Variants in PRKG1 observed in about 807,000 individuals in gnomAD.
PRKG1 encodes the protein protein kinase cGMP-dependent 1, also known as cGMP-dependent protein kinase 1.
Under a neutral mutation model 88.1 loss-of-function variants are expected in PRKG1, and 35 were observed. The observed-to-expected ratio is 0.40, with a 90% CI of 0.30 to 0.53. The LOEUF is 0.53. Among genes scored for constraint, PRKG1 ranks in the 20% least tolerant of loss-of-function variants. The pLI is 0.59. For synonymous variants in PRKG1, 303 were observed against 292.5 expected (o/e 1.04, Z -0.37); for missense variants, 540 against 839.8 (o/e 0.64, Z 4.41).
chr10:51,127,058 A>C (rs917395694), intron 1 of PRKG1, among the ~76,000 whole-genome samples: 1 of 152,224 alleles, frequency 6.6e-6, no homozygotes, highest in Non-Finnish European at 1.5e-5. Context: ...ATGGACAAAG[A>C]TTTCATGATG....
intron 3 of PRKG1, among the ~76,000 whole-genome samples, chr10:51,649,360 C>G (rs150135477): frequency 6.6e-6 from 1 of 152,000 alleles, no homozygotes. Flanking sequence ...TACAACCAGT[C>G]TTATTTAATT....
intron 5 of PRKG1, among the ~76,000 whole-genome samples, chr10:51,966,183 C>T (rs1193237864): frequency 1.3e-5 from 2 of 152,150 alleles, no homozygotes; most frequent in East Asian, 3.9e-4. Flanking sequence ...TTTCATATTT[C>T]ATAAGCTGAT....
chr10:52,040,723 A>G (rs1034913783), intron 5 of PRKG1, among the ~76,000 whole-genome samples: 2 of 152,094 alleles, frequency 1.3e-5, no homozygotes, highest in African/African-American at 4.8e-5. Flanking sequence ...ATTGAACAGA[A>G]GTGGTGAAAG....
intron 3 of PRKG1, among the ~76,000 whole-genome samples, chr10:51,658,916 A>G (rs1439023146): frequency 6.6e-6 from 1 of 152,088 alleles, no homozygotes; most frequent in African/African-American, 2.4e-5. Flanking sequence ...CTACTTTTGA[A>G]AAACATGTAT....
At chr10:51,450,080 G>A (rs1217433213) in intron 2 of PRKG1, among the ~76,000 whole-genome samples, 2 of 151,800 alleles carry the variant, frequency 1.3e-5, no homozygotes, top group East Asian at 3.9e-4. Flanking sequence ...CAATTCATTA[G>A]GAATAATATT....
At chr10:51,185,288 TAA>T (rs1167752059) in intron 2 of PRKG1, among the ~76,000 whole-genome samples, 1 of 152,148 alleles carries the variant, frequency 6.6e-6, no homozygotes, top group African/African-American at 2.4e-5. Flanking sequence ...TGGTGAATAT[TAA>T]GTCTGCAATA....
At chr10:52,253,025 G>C (rs1841215148) in intron 10 of PRKG1, among the ~76,000 whole-genome samples, 1 of 151,956 alleles carries the variant, frequency 6.6e-6, no homozygotes, top group Non-Finnish European at 1.5e-5. Context: ...GAGGTGTTGG[G>C]ACATACAGGC....
intron 9 of PRKG1, among the ~76,000 whole-genome samples, chr10:52,193,457 A>C (rs1589690026): frequency 6.7e-6 from 1 of 149,742 alleles, no homozygotes; most frequent in African/African-American, 2.5e-5. Context: ...CTGAGGCAGG[A>C]GAATCGCTTG....
intron 5 of PRKG1, among the ~76,000 whole-genome samples, chr10:51,924,579 G>C (rs1347813290): frequency 6.6e-6 from 1 of 151,938 alleles, no homozygotes; most frequent in Non-Finnish European, 1.5e-5. Flanking sequence ...TTTTGTGTCT[G>C]TCATTAATTT....
At chr10:51,932,281 A>G (rs1374735119) in intron 5 of PRKG1, among the ~76,000 whole-genome samples, 1 of 151,956 alleles carries the variant, frequency 6.6e-6, no homozygotes, top group Non-Finnish European at 1.5e-5. Context: ...TCCAGAAAAT[A>G]CCATACAGTC....
chr10:51,143,199 T>C (rs1201981454), intron 1 of PRKG1, among the ~76,000 whole-genome samples: 1 of 152,122 alleles, frequency 6.6e-6, no homozygotes, highest in East Asian at 1.9e-4. Flanking sequence ...GATCAACTTT[T>C]TAAGATTCCA....
At chr10:51,551,464 G>A (rs1427631220) in intron 3 of PRKG1, among the ~76,000 whole-genome samples, 2 of 151,716 alleles carry the variant, frequency 1.3e-5, no homozygotes, top group African/African-American at 4.8e-5. Context: ...ATAATTTTGA[G>A]AATTTGTTCA....
intron 9 of PRKG1, among the ~76,000 whole-genome samples, chr10:52,221,235 A>C (rs1840237358): frequency 6.6e-6 from 1 of 152,054 alleles, no homozygotes; most frequent in South Asian, 2.1e-4. Flanking sequence ...GCCCAGCTGA[A>C]TTACTCCCGA....
chr10:51,661,137 A>G (rs1047927647), intron 3 of PRKG1, among the ~76,000 whole-genome samples: 3 of 152,108 alleles, frequency 2.0e-5, no homozygotes, highest in Non-Finnish European at 4.4e-5. Flanking sequence ...CTAGGTATTC[A>G]ACTTTGTATT....
At chr10:52,204,073 GTTATTATTATTA>G (rs140296072) in intron 9 of PRKG1, among the ~76,000 whole-genome samples, 2 of 75,318 alleles carry the variant, frequency 2.7e-5, no homozygotes, top group Admixed American at 1.8e-4. Context: ...TTGTTCGCTG[GTTATTATTATTA>G]TTATTATTAT....
At chr10:51,460,579 T>C (rs879687009) in intron 2 of PRKG1, among the ~76,000 whole-genome samples, 1 of 152,144 alleles carries the variant, frequency 6.6e-6, no homozygotes, top group Non-Finnish European at 1.5e-5. Context: ...GCTTTCCTCA[T>C]TACTGGAAAT....
chr10:51,989,948 A>C (rs1012168780), intron 5 of PRKG1, among the ~76,000 whole-genome samples: 1 of 152,062 alleles, frequency 6.6e-6, no homozygotes, highest in African/African-American at 2.4e-5. Context: ...CAGGTTTTAC[A>C]TTTAAATCTT....
intron 3 of PRKG1, among the ~76,000 whole-genome samples, chr10:51,771,622 T>A (rs1173732268): frequency 6.6e-6 from 1 of 152,200 alleles, no homozygotes; most frequent in East Asian, 1.9e-4. Context: ...CCCCTACTGA[T>A]GTTTTATATA....
chr10:52,164,627 CTAAT>C (rs900235679), intron 9 of PRKG1, among the ~76,000 whole-genome samples: 120 of 151,948 alleles, frequency 7.9e-4, no homozygotes, highest in African/African-American at 2.9e-3. Context: ...GAATTCAATT[CTAAT>C]TAAAGAAGAA....
Sources: allele counts gnomAD v4.1 joint callset (sites outside exome capture counted in the v4.1 genomes callset), GRCh38; gene constraint gnomAD v4.1.1; transcripts MANE v1.5; gene names NCBI Gene and HGNC (gene_info 2026-07-23, HGNC 2026-07-21).